Variants in ENOX1 observed in about 807,000 individuals in gnomAD.
The protein encoded by ENOX1 is candidate growth-related and time keeping constitutive hydroquinone (NADH) oxidase.
Under a neutral mutation model 82.5 loss-of-function variants are expected in ENOX1, and 42 were observed. The observed-to-expected ratio is 0.51, with a 90% CI of 0.40 to 0.66. The LOEUF (loss-of-function observed/expected upper bound fraction) is 0.66, where lower values mean the gene tolerates loss of function less well. Among genes scored for constraint, ENOX1 ranks in the 30% least tolerant of loss-of-function variants. The pLI is 0.00. For synonymous variants in ENOX1, 271 were observed against 282.2 expected, an observed-to-expected ratio of 0.96 and a Z score of 0.40; for missense variants, 608 against 811.6, an observed-to-expected ratio of 0.75 and a Z score of 3.05.
At chr13:43,495,446 G>T (rs1461765079) in intron 2 of ENOX1, among the ~76,000 whole-genome samples, 3 of 151,854 alleles carry the variant, frequency 2.0e-5, no homozygotes, top group African/African-American at 7.3e-5. Flanking sequence ...TTTATGCCTG[G>T]TTCCTTTTGT....
intron 2 of ENOX1, among the ~76,000 whole-genome samples, chr13:43,633,566 T>C (rs1326093598): frequency 6.6e-6 from 1 of 152,086 alleles, no homozygotes; most frequent in Non-Finnish European, 1.5e-5. Context: ...CTATTAAAAA[T>C]AATGAAGTAG....
Position 43,717,617 on chromosome 13 carries a change from G to A in ENOX1, c.-284-50073C>T, listed in dbSNP as rs375508079. 1.2e-4 allele frequency among the ~76,000 whole-genome samples: 18 copies of A among 152,226 alleles called. No individual in the cohort carries two copies. In the East Asian group the frequency reaches 3.1e-3, roughly 26 times the overall value. On this transcript the variant is annotated intron_variant, in intron 1 of 16. Coordinates refer to ENST00000690772, the MANE Select transcript of ENOX1 (RefSeq NM_001347969.2). ...AGGGTAAACAGACAGCCTACAGAAT[G>A]GGAGAAAATATTCACAAACTGTGCA...
chr13:43,721,225 C>G (rs1231103757), intron 1 of ENOX1, among the ~76,000 whole-genome samples: 1 of 151,864 alleles, frequency 6.6e-6, no homozygotes, highest in African/African-American at 2.4e-5. Flanking sequence ...CATTTAAAAC[C>G]AGTATTGCAC....
intron 1 of ENOX1, among the ~76,000 whole-genome samples, chr13:43,745,310 A>G (rs533497469): frequency 6.6e-6 from 1 of 152,332 alleles, no homozygotes; most frequent in East Asian, 1.9e-4. Context: ...ATTTATCCAC[A>G]TGTAAAAGTG....
At chr13:43,623,586 T>G (rs2082839667) in intron 2 of ENOX1, among the ~76,000 whole-genome samples, 1 of 152,010 alleles carries the variant, frequency 6.6e-6, no homozygotes. Context: ...ACTCAACAGT[T>G]TTGCGGGGTG....
chr13:43,225,629 C>A (rs921145185), intron 15 of ENOX1, among the ~76,000 whole-genome samples: 1 of 152,170 alleles, frequency 6.6e-6, no homozygotes, highest in African/African-American at 2.4e-5. Context: ...ACTAGGTCAT[C>A]CTATAGGTGA....
chr13:43,567,519 G>A (rs2026061), intron 2 of ENOX1, among the ~76,000 whole-genome samples: 87,232 of 151,934 alleles, frequency 0.57, 25,292 homozygotes, highest in African/African-American at 0.6. Flanking sequence ...AAGATAAACT[G>A]GCTGAAATGA....
chr13:43,729,946 TCTC>T (rs1056244046), intron 1 of ENOX1, among the ~76,000 whole-genome samples: 50 of 152,292 alleles, frequency 3.3e-4, no homozygotes, highest in African/African-American at 1.1e-3. Context: ...GTGGGGGACA[TCTC>T]CTCTGCTCCT....
intron 8 of ENOX1, among the ~76,000 whole-genome samples, chr13:43,349,841 G>A (rs2049654449): frequency 6.6e-6 from 1 of 152,192 alleles, no homozygotes; most frequent in South Asian, 2.1e-4. Flanking sequence ...GAATAGATGT[G>A]ATTCTTAAGA....
At chr13:43,295,231 T>C (rs2046224389) in intron 12 of ENOX1, among the ~76,000 whole-genome samples, 1 of 152,228 alleles carries the variant, frequency 6.6e-6, no homozygotes, top group Non-Finnish European at 1.5e-5. Flanking sequence ...AAAGCCTCAC[T>C]ATCCCTGTGG....
intron 1 of ENOX1, among the ~76,000 whole-genome samples, chr13:43,777,510 T>C (rs375717092): frequency 6.6e-6 from 1 of 152,014 alleles, no homozygotes; most frequent in Non-Finnish European, 1.5e-5. Flanking sequence ...GTTATCTTTG[T>C]GCAAAGATAT....
At chr13:43,449,796 C>T (rs541262658) in intron 3 of ENOX1, among the ~76,000 whole-genome samples, 5 of 151,954 alleles carry the variant, frequency 3.3e-5, no homozygotes, top group African/African-American at 4.8e-5. Flanking sequence ...TTTCTACAAC[C>T]GAAGAGACAA....
intron 5 of ENOX1, among the ~76,000 whole-genome samples, chr13:43,373,982 A>G (rs1050564766): frequency 6.6e-6 from 1 of 152,174 alleles, no homozygotes; most frequent in Non-Finnish European, 1.5e-5. Flanking sequence ...TCCTCACATG[A>G]AAAACATACC....
chr13:43,601,045 A>G (rs1159042360), intron 2 of ENOX1, among the ~76,000 whole-genome samples: 1 of 152,166 alleles, frequency 6.6e-6, no homozygotes, highest in Non-Finnish European at 1.5e-5. Context: ...ATACCTGGAA[A>G]ACCTTCCCAA....
chr13:43,411,989 G>A lies in ENOX1; in HGVS notation c.135C>T (p.Pro45=), dbSNP rs772792203. Residue 45 remains proline (P), a synonymous_variant, in exon 5 of 17, where the codon CCC becomes CCT. Transcript: ENST00000690772. ...TATTCATGGCTGTAGCCCAGGCTGT[G>A]GGATCTGTCACGGACATGTTGAGCT... The part of the protein sequence containing the change: ...TTQLNMSVTD[P]TAWATAMNNL... The A allele has an allele frequency of 6.2e-7, 1 of 1,614,038 alleles. No homozygotes were observed. Among genetic ancestry groups the A allele is most frequent in the African/African-American group, 1.3e-5 (1 of 74,914 alleles).
chr13:43,690,104 T>A (rs1368409495), intron 1 of ENOX1, among the ~76,000 whole-genome samples: 1 of 152,192 alleles, frequency 6.6e-6, no homozygotes, highest in Non-Finnish European at 1.5e-5. Flanking sequence ...CTTGCTGGCA[T>A]GTTACCAACT....
chr13:43,247,862 TATATATA>T (rs1566329484), intron 14 of ENOX1, among the ~76,000 whole-genome samples: 56 of 3,464 alleles, frequency 0.016, 6 homozygotes, highest in Non-Finnish European at 0.027. Flanking sequence ...TATATATATA[TATATATA>T]TATATATATA....
At chr13:43,504,718 C>A (rs1488057689) in intron 2 of ENOX1, among the ~76,000 whole-genome samples, 1 of 151,526 alleles carries the variant, frequency 6.6e-6, no homozygotes, top group Non-Finnish European at 1.5e-5. Context: ...TTATAAAAGA[C>A]AAGTCCTAGG....
intron 14 of ENOX1, among the ~76,000 whole-genome samples, chr13:43,263,009 G>A (rs993768439): frequency 6.6e-6 from 1 of 152,160 alleles, no homozygotes; most frequent in African/African-American, 2.4e-5. Flanking sequence ...GGCAACTTCA[G>A]ATGAGACGTA....
Sources: gnomAD v4.1 joint callset for allele counts (sites outside exome capture counted in the v4.1 genomes callset) on GRCh38, gnomAD v4.1.1 for gene constraint, MANE v1.5 for transcripts, NCBI Gene and HGNC (gene_info 2026-07-23, HGNC 2026-07-21) for gene names.